SGPP2: variants seen among roughly 807,000 people sequenced by gnomAD.
SGPP2 encodes the protein sphingosine 1-phosphate phosphohydrolase 2.
In SGPP2, 30 loss-of-function variants were observed where a neutral mutation model predicts 33.9. The ratio of observed to expected loss-of-function variants is 0.89; its 90% CI spans 0.66 to 1.20. The LOEUF (loss-of-function observed/expected upper bound fraction) is 1.20. Ranked by LOEUF, SGPP2 falls within the 50% of genes most tolerant of loss-of-function variation. SGPP2 has a pLI of 0.00. For missense variants in SGPP2, 458 were observed against 532.1 expected (o/e 0.86, Z 1.37); for synonymous variants, 233 against 225.0 (o/e 1.04, Z -0.32).
At chr2:222,485,180 C>T (rs1316363175) in intron 2 of SGPP2, among the ~76,000 whole-genome samples, 3 of 152,174 alleles carry the variant, frequency 2.0e-5, no homozygotes, top group Non-Finnish European at 4.4e-5. Context: ...CCTCAGATGG[C>T]GAAACTTTAC....
At chr2:222,443,924 A>G (rs1050105944) in intron 1 of SGPP2, among the ~76,000 whole-genome samples, 1 of 152,232 alleles carries the variant, frequency 6.6e-6, no homozygotes, top group Admixed American at 6.5e-5. Flanking sequence ...AAATAATCAC[A>G]TATACCTCCT....
intron 4 of SGPP2, among the ~76,000 whole-genome samples, chr2:222,528,095 G>A (rs971279319): frequency 2.0e-5 from 3 of 152,300 alleles, no homozygotes; most frequent in South Asian, 2.1e-4. Flanking sequence ...AATCTCTAGG[G>A]AATGTCTTTT....
intron 2 of SGPP2, among the ~76,000 whole-genome samples, chr2:222,499,749 C>A (rs1372954587): frequency 6.6e-6 from 1 of 152,128 alleles, no homozygotes; most frequent in African/African-American, 2.4e-5. Flanking sequence ...AATTCAGTGT[C>A]ATGTGAGTTT....
chr2:222,536,983 G>T (rs955538658), intron 4 of SGPP2, among the ~76,000 whole-genome samples: 1 of 152,012 alleles, frequency 6.6e-6, no homozygotes, highest in Admixed American at 6.5e-5. Context: ...GTTCAATAAA[G>T]AATTCACCTT....
intron 4 of SGPP2, among the ~76,000 whole-genome samples, chr2:222,556,965 C>T (rs996755652): frequency 2.4e-4 from 37 of 151,374 alleles, no homozygotes; most frequent in African/African-American, 8.7e-4. Context: ...CTTCTCCCTG[C>T]CCCCATCCAC....
intron 4 of SGPP2, among the ~76,000 whole-genome samples, chr2:222,555,546 A>G (rs976763317): frequency 6.6e-5 from 10 of 150,970 alleles, no homozygotes; most frequent in African/African-American, 2.4e-4. Context: ...TTAGCATTCA[A>G]TCAAAAAATG....
intron 2 of SGPP2, among the ~76,000 whole-genome samples, chr2:222,488,874 C>T (rs1263975789): frequency 6.6e-6 from 1 of 152,112 alleles, no homozygotes; most frequent in Admixed American, 6.5e-5. Context: ...AATTTCTTCT[C>T]GCATTCACAG....
chr2:222,546,319 C>T (rs932561913), intron 4 of SGPP2, among the ~76,000 whole-genome samples: 4 of 152,126 alleles, frequency 2.6e-5, no homozygotes, highest in African/African-American at 9.7e-5. Context: ...CAATCTTGTA[C>T]CTCATTACAT....
At position 222,424,723 on chromosome 2, in the gene SGPP2, C is replaced by T. The variant is rs749337921; in HGVS notation, c.121C>T (p.Arg41Cys). The change falls in exon 1 of 5, where the codon CGC becomes TGC. Residue 41 changes from arginine (R) to cysteine (C), a missense_variant. By Grantham distance (180) the Arg-to-Cys change is radical. Transcript: ENST00000321276. ...GGAGAACGGCGCGGACCCCACGGAG[C>T]GCGCGGCGCGGGTCCCCGGGGTCGA... is the stretch of plus-strand genomic sequence containing the variant. ...PRENGADPTE[R>C]AARVPGVEHL... is the part of the protein sequence containing the mutation. 4 of 1,437,258 alleles carry T rather than the reference C, an allele frequency of 2.8e-6. No individual in the cohort carries two copies. Among genetic ancestry groups the T allele is most frequent in the African/African-American group, 3.0e-5 (2 of 67,542 alleles). 89.0% of individuals were successfully genotyped at this position (1,437,258 alleles called of 1,614,324 possible). A position where few individuals can be genotyped will look rare whatever the true frequency, so the allele number is the denominator to read the frequency against.
At chr2:222,497,524 G>A (rs1436176340) in intron 2 of SGPP2, among the ~76,000 whole-genome samples, 1 of 152,176 alleles carries the variant, frequency 6.6e-6, no homozygotes, top group African/African-American at 2.4e-5. Flanking sequence ...TGGGATTACA[G>A]GCACGAGCCA....
At chr2:222,504,777 TG>T (rs1350368234) in intron 2 of SGPP2, 3 of 152,314 alleles carry the variant, frequency 2.0e-5, no homozygotes, top group African/African-American at 7.2e-5. Context: ...GTATCCACTT[TG>T]GAAGCAGCCT....
chr2:222,447,589 G>A (rs1302159984), intron 1 of SGPP2, among the ~76,000 whole-genome samples: 1 of 152,176 alleles, frequency 6.6e-6, no homozygotes, highest in African/African-American at 2.4e-5. Context: ...GGGAACAGAG[G>A]TTGACTAATC....
At chr2:222,478,378 G>A (rs562133210) in intron 2 of SGPP2, among the ~76,000 whole-genome samples, 1 of 152,090 alleles carries the variant, frequency 6.6e-6, no homozygotes, top group South Asian at 2.1e-4. Flanking sequence ...TGCCTCCAGA[G>A]TTGAAGGTGG....
chr2:222,515,916 C>T (rs1021326751), intron 2 of SGPP2, among the ~76,000 whole-genome samples: 3 of 151,978 alleles, frequency 2.0e-5, no homozygotes, highest in Non-Finnish European at 4.4e-5. Context: ...GGTGTGGTAG[C>T]GCGTGACTGT....
At chr2:222,455,692 T>C (rs183141664) in intron 1 of SGPP2, among the ~76,000 whole-genome samples, 39 of 152,354 alleles carry the variant, frequency 2.6e-4, no homozygotes, top group Non-Finnish European at 4.7e-4. Flanking sequence ...AAATTATTAC[T>C]TGATATTTGA....
upstream of SGPP2, among the ~76,000 whole-genome samples, chr2:222,424,344 G>T (rs919751148): frequency 3.3e-5 from 5 of 152,208 alleles, no homozygotes; most frequent in South Asian, 1.0e-3. Context: ...GTTACAGGCG[G>T]TCCTGCCCCC....
chr2:222,515,764 C>T (rs953945596), intron 2 of SGPP2, among the ~76,000 whole-genome samples: 2 of 151,740 alleles, frequency 1.3e-5, no homozygotes, highest in South Asian at 2.1e-4. Context: ...GAGGGTTGAG[C>T]GTGGTGGCTC....
chr2:222,461,518 T>C (rs1435637488), intron 1 of SGPP2, among the ~76,000 whole-genome samples: 2 of 152,046 alleles, frequency 1.3e-5, no homozygotes, highest in Non-Finnish European at 2.9e-5. Context: ...TACATTGTAA[T>C]ATATTAATAT....
At chr2:222,511,508 C>T (rs1470736085) in intron 2 of SGPP2, among the ~76,000 whole-genome samples, 1 of 152,142 alleles carries the variant, frequency 6.6e-6, no homozygotes, top group African/African-American at 2.4e-5. Flanking sequence ...ATGCACAGGA[C>T]TTTAGGGCCT....
Sources: allele counts gnomAD v4.1 joint callset (sites outside exome capture counted in the v4.1 genomes callset), GRCh38; gene constraint gnomAD v4.1.1; transcripts MANE v1.5; gene names NCBI Gene and HGNC (gene_info 2026-07-23, HGNC 2026-07-21).